Variants in AS3MT observed in about 807,000 individuals in gnomAD.
AS3MT encodes the protein S-adenosyl-L-methionine:arsenic(III) methyltransferase.
Under a neutral mutation model 45.3 loss-of-function variants are expected in AS3MT, and 47 were observed. The observed-to-expected ratio is 1.04, with a 90% CI of 0.82 to 1.32. The LOEUF (loss-of-function observed/expected upper bound fraction) is 1.32, where lower values mean the gene tolerates loss of function less well. Ranked by LOEUF, AS3MT falls within the 40% of genes most tolerant of loss-of-function variation. The pLI, the probability that AS3MT is intolerant of heterozygous loss-of-function variation, is 0.00. For synonymous variants in AS3MT, 141 were observed against 152.8 expected (o/e 0.92, Z 0.57); for missense variants, 396 against 451.1 (o/e 0.88, Z 1.11).
chr10:102,897,955 C>A (rs1845205343), intron 10 of AS3MT, among the ~76,000 whole-genome samples: 1 of 152,170 alleles, frequency 6.6e-6, no homozygotes, highest in Non-Finnish European at 1.5e-5. Context: ...ATAAGGTCTC[C>A]TTTCTGCTTT....
intron 9 of AS3MT, among the ~76,000 whole-genome samples, chr10:102,889,664 C>CTTCCTT (rs1845031954): frequency 7.2e-6 from 1 of 138,022 alleles, no homozygotes; most frequent in Admixed American, 7.5e-5. Context: ...TCCTTCCTTC[C>CTTCCTT]CTTCCTCCCT....
intron 10 of AS3MT, among the ~76,000 whole-genome samples, chr10:102,894,454 A>G (rs66759943): frequency 0.2 from 30,873 of 151,668 alleles, 3,251 homozygotes; most frequent in Non-Finnish European, 0.22. Flanking sequence ...AAATAAAAAA[A>G]TAAAATAAAA....
chr10:102,871,599 G>A lies in AS3MT; in HGVS notation c.171-849G>A, dbSNP rs551143269. ...AAAAATTAGCCAGGAGTGGTGGCAG[G>A]CGCTCGTAGTCCTAGCTACTCGGGA... On this transcript the variant is annotated intron_variant, in intron 3 of 10. Coordinates refer to ENST00000369880, the MANE Select transcript of AS3MT (RefSeq NM_020682.4). Among the ~76,000 whole-genome samples, 11 of 143,960 alleles carry A rather than the reference G, an allele frequency of 7.6e-5. No individual in the cohort carries two copies. In the South Asian group the frequency reaches 2.2e-3, roughly 29 times the overall value. The allele number at this position is 143,960 out of a possible 152,430, so 94.4% of individuals were successfully genotyped here.
chr10:102,896,600 G>A (rs1470965355), intron 10 of AS3MT, among the ~76,000 whole-genome samples: 1 of 151,920 alleles, frequency 6.6e-6, no homozygotes, highest in Non-Finnish European at 1.5e-5. Context: ...GAGGTCAGGA[G>A]TTCAAGACCA....
chr10:102,882,259 C>T (rs1844876629), intron 9 of AS3MT, among the ~76,000 whole-genome samples: 1 of 151,108 alleles, frequency 6.6e-6, no homozygotes. Flanking sequence ...CTTATATTGC[C>T]CAGGCTGGTC....
At chr10:102,872,410 A>C (rs1844707003) in intron 3 of AS3MT, 38 bp from the exon 4 acceptor site, 1 of 1,609,280 alleles carries the variant, frequency 6.2e-7, no homozygotes, top group Non-Finnish European at 8.5e-7. Flanking sequence ...CATGTCTTAC[A>C]GTCTCCAGGG....
intron 10 of AS3MT, among the ~76,000 whole-genome samples, chr10:102,895,006 G>A (rs1424227419): frequency 1.3e-5 from 2 of 152,116 alleles, no homozygotes; most frequent in East Asian, 3.9e-4. Flanking sequence ...TCTCCTGAGG[G>A]CTGTGTCACA....
In AS3MT at chr10:102,869,716, C is replaced by T. The variant is rs2482497; in HGVS notation, c.2-89C>T. 2.5e-6 allele frequency: 4 copies of T among 1,610,952 alleles called. No individual in the cohort carries two copies. In the Admixed American group the frequency reaches 5.0e-5, roughly 20 times the overall value. ...AGACCTTTGTCCTCCCCTCACCCCT[C>T]GGCCCGCTGCCTGCCCTTTACTGGC... On this transcript the variant is annotated intron_variant, in intron 1 of 10. Coordinates refer to ENST00000369880, the MANE Select transcript of AS3MT (RefSeq NM_020682.4).
In AS3MT at chr10:102,900,588, G is replaced by C. The variant is rs978877968; in HGVS notation, c.1021-5G>C. 1 of 1,610,176 alleles carries C rather than the reference G, an allele frequency of 6.2e-7. No individual in the cohort carries two copies. The highest frequency in any genetic ancestry group is 8.5e-7 in the Non-Finnish European group (1 of 1,176,500). Reference sequence around the variant, plus strand: ...GTCCTTTCATTTTGGTTTGCCTTTTGACAGGATATAATCACAGATCCATTT... The same window carrying C: ...GTCCTTTCATTTTGGTTTGCCTTTTCACAGGATATAATCACAGATCCATTT... On this transcript the variant is annotated splice_polypyrimidine_tract_variant and splice_region_variant and intron_variant, in intron 10 of 10. Transcript: ENST00000369880.
At chr10:102,892,055 T>C (rs1845080289) in intron 10 of AS3MT, among the ~76,000 whole-genome samples, 1 of 152,130 alleles carries the variant, frequency 6.6e-6, no homozygotes, top group Non-Finnish European at 1.5e-5. Context: ...ACTTTTGTTT[T>C]TGAGTGCATA....
chr10:102,887,546 C>G (rs978637328), intron 9 of AS3MT, among the ~76,000 whole-genome samples: 35 of 151,974 alleles, frequency 2.3e-4, no homozygotes, highest in African/African-American at 7.7e-4. Flanking sequence ...CTGAATTGAC[C>G]CCTTTATCAT....
chr10:102,872,656 A>G, intron 4 of AS3MT, 58 bp downstream of exon 4: 1 of 1,548,314 alleles, frequency 6.5e-7, no homozygotes, highest in Non-Finnish European at 8.7e-7. Flanking sequence ...TATTTGAAAA[A>G]TAAAGTTGTT....
chr10:102,878,247 G>A, intron 7 of AS3MT, 132 bp from the exon 8 acceptor site: 1 of 1,319,758 alleles, frequency 7.6e-7, no homozygotes, highest in Admixed American at 2.3e-5. Flanking sequence ...GGATGCTCAA[G>A]TTAGCTTCTA....
chr10:102,882,989 C>T (rs960786987), intron 9 of AS3MT, among the ~76,000 whole-genome samples: 5 of 152,132 alleles, frequency 3.3e-5, no homozygotes, highest in Non-Finnish European at 7.3e-5. Flanking sequence ...CCAGTAGATA[C>T]ACAGAATCAG....
At chr10:102,884,279 A>G (rs953616689) in intron 9 of AS3MT, among the ~76,000 whole-genome samples, 3 of 151,770 alleles carry the variant, frequency 2.0e-5, no homozygotes, top group Admixed American at 6.6e-5. Flanking sequence ...CCAGCCTTTT[A>G]GCAATTTCCA....
intron 3 of AS3MT, 143 bp downstream of exon 3, chr10:102,870,354 C>G (rs529100683): frequency 7.6e-5 from 85 of 1,124,348 alleles, no homozygotes; most frequent in Middle Eastern, 6.2e-4. Flanking sequence ...AATCTCAGCA[C>G]CCATCATCTT....
chr10:102,869,784 T>C (rs1844645741), intron 1 of AS3MT, 21 bp from the exon 2 acceptor site: 1 of 1,614,034 alleles, frequency 6.2e-7, no homozygotes, highest in Non-Finnish European at 8.5e-7. Flanking sequence ...TCCTTTCAAC[T>C]AACTTTCCCG....
chr10:102,893,111 G>C (rs960122398), intron 10 of AS3MT, among the ~76,000 whole-genome samples: 1 of 148,980 alleles, frequency 6.7e-6, no homozygotes, highest in Non-Finnish European at 1.5e-5. Flanking sequence ...AGCTTAAAAG[G>C]TTTTAACAGT....
intron 9 of AS3MT, among the ~76,000 whole-genome samples, chr10:102,886,712 C>A (rs905564486): frequency 1.3e-5 from 2 of 152,062 alleles, no homozygotes; most frequent in Non-Finnish European, 2.9e-5. Context: ...CAGCTTTGAC[C>A]TCCTGGGCTC....
Sources: gnomAD v4.1 joint callset for allele counts (sites outside exome capture counted in the v4.1 genomes callset) on GRCh38, gnomAD v4.1.1 for gene constraint, MANE v1.5 for transcripts, NCBI Gene and HGNC (gene_info 2026-07-23, HGNC 2026-07-21) for gene names.